The following RPGR variants were observed in gnomAD, a reference collection of about 807,000 sequenced individuals.
RPGR encodes retinitis pigmentosa GTPase regulator, also known as X-linked retinitis pigmentosa GTPase regulator.
A neutral mutation model predicts 56.3 loss-of-function variants in RPGR; 10 were observed. That is an observed-to-expected ratio of 0.18 (90% CI 0.11 to 0.30). The LOEUF is 0.30. Among genes scored for constraint, RPGR ranks in the 10% least tolerant of loss-of-function variants. The probability of loss-of-function intolerance (pLI) is 1.00; values close to 1 mark genes in which losing one functional copy is unlikely to be tolerated. For synonymous variants in RPGR, 197 were observed against 212.9 expected, an observed-to-expected ratio of 0.93 and a Z score of 0.65; for missense variants, 538 against 590.9, an observed-to-expected ratio of 0.91 and a Z score of 0.93.
chrX:38,327,359 C>A lies in RPGR; in HGVS notation c.9G>T (p.Glu3Asp). ...ACTCACCGGGCATCAGCTCTTCCGG[C>A]TCCCTCATGCCACGGGCAGTACGGG... The change falls in exon 1 of 19, where the codon GAG becomes GAT. Residue 3 changes from glutamate to aspartate, a missense_variant. Glu to Asp is a conservative substitution (Grantham distance 45, BLOSUM62 2). Around this residue, in one of 2 missense-constraint regions of RPGR, gnomAD observed 181 missense variants for 265.1 expected, o/e 0.68. Coordinates refer to ENST00000642395, the MANE Select transcript of RPGR (RefSeq NM_000328.3). 8.4e-7 allele frequency: 1 copy of A among 1,189,273 alleles called. No individual in the cohort carries two copies. Among genetic ancestry groups the A allele is most frequent in the Non-Finnish European group, 1.1e-6 (1 of 885,227 alleles).
intron 6 of RPGR, among the ~76,000 whole-genome samples, chrX:38,314,377 A>T (rs2067779509): frequency 8.9e-6 from 1 of 111,733 alleles, no homozygotes; most frequent in African/African-American, 3.3e-5. Flanking sequence ...AATTTTTATA[A>T]AATCTGGATT....
At chrX:38,269,879 C>G in intron 18 of RPGR, 3 of 919,597 alleles carry the variant, frequency 3.3e-6, no homozygotes, top group Non-Finnish European at 4.7e-6. Context: ...ATAAGTGAAA[C>G]ATTCACTTAA....
chrX:38,279,001 A>G (rs961925371), intron 15 of RPGR, among the ~76,000 whole-genome samples: 22 of 112,792 alleles, frequency 2.0e-4, no homozygotes, highest in African/African-American at 6.8e-4. Context: ...TAAACAATCT[A>G]TAACAATGAA....
At chrX:38,291,129 T>TTATA (rs1168785516) in intron 12 of RPGR, 105 bp from the exon 13 acceptor site, 3 of 156,048 alleles carry the variant, frequency 1.9e-5, no homozygotes, top group African/African-American at 7.0e-5. Context: ...ATATATTTTT[T>TTATA]TATATATATA....
intron 16 of RPGR, chrX:38,275,176 A>C (rs746888349): frequency 1.7e-6 from 2 of 1,161,026 alleles, no homozygotes; most frequent in East Asian, 3.0e-5. Context: ...AATATAACAA[A>C]AAATATTTTT....
At chrX:38,311,053 T>G (rs2067707000) in intron 6 of RPGR, among the ~76,000 whole-genome samples, 1 of 112,678 alleles carries the variant, frequency 8.9e-6, no homozygotes, top group African/African-American at 3.2e-5. Flanking sequence ...TGTCTTTTAC[T>G]TACTTAAAGC....
In RPGR at chrX:38,288,034, T is replaced by C; in HGVS notation, c.1580A>G (p.Gln527Arg). 2 of 1,161,514 alleles carry C rather than the reference T, an allele frequency of 1.7e-6. No individual in the cohort carries two copies. The highest frequency in any genetic ancestry group is 2.3e-6 in the Non-Finnish European group (2 of 852,656). ...ATCCTGCGTCAGTTCCCCAATTGTT[T>C]GTTGTTTCTGTAAATTTTTTGAAGT... The change falls in exon 14 of 19, where the codon CAA becomes CGA. Residue 527 changes from glutamine (Q) to arginine (R), a missense_variant. By Grantham distance (43) the Gln-to-Arg change is conservative. Transcript: ENST00000642395.
rs112264839 is a variant in RPGR at position 38,322,816 on chromosome X, T to G, written c.247+37A>C. On this transcript the variant is annotated intron_variant, in intron 3 of 18. Transcript: ENST00000642395. ...AACTACACAGTCAACATAAAAATAC[T>G]TTATACAGTTTGTGAAAAGATAAAA... 15,275 of 1,055,775 alleles carry G rather than the reference T, an allele frequency of 0.014. 235 individuals carry two copies. Among genetic ancestry groups the G allele is most frequent in the African/African-American group, 0.097 (5,269 of 54,105 alleles). The allele number at this position is 1,055,775 out of a possible 1,213,427, so 87.0% of individuals were successfully genotyped here.
chrX:38,276,577 A>G (rs954862987), intron 16 of RPGR: 1 of 1,206,665 alleles, frequency 8.3e-7, no homozygotes, highest in African/African-American at 1.7e-5. Context: ...TTAAGCATCT[A>G]TCATCATACC....
chrX:38,291,501 GA>G lies in RPGR; in HGVS notation c.1415-18del, dbSNP rs994933258. The G allele has an allele frequency of 4.3e-6, 4 of 935,416 alleles. No homozygotes were observed. The highest frequency in any genetic ancestry group is 3.8e-5 in the African/African-American group (2 of 51,954). 77.1% of individuals were successfully genotyped at this position (935,416 alleles called of 1,213,427 possible). ...GCAAATAATCTGAATGATTAAATGG[GA>G]AAAAGGAAATCCAGATTTCAACAGA... is the stretch of plus-strand genomic sequence containing the variant. On this transcript the variant is annotated intron_variant, in intron 11 of 18. Coordinates refer to ENST00000642395, the MANE Select transcript of RPGR (RefSeq NM_000328.3).
chrX:38,286,912 A>G, intron 15 of RPGR: 1 of 1,199,342 alleles, frequency 8.3e-7, no homozygotes, highest in Non-Finnish European at 1.1e-6. Flanking sequence ...CTTCTCTGCT[A>G]GTTCCTTCTC....
chrX:38,284,580 G>A, intron 15 of RPGR: 1 of 748,874 alleles, frequency 1.3e-6, no homozygotes, highest in Non-Finnish European at 1.6e-6. Context: ...AAAAATTACA[G>A]AAGACAAGAG....
At chrX:38,293,824 C>T (rs755824466) in intron 11 of RPGR, among the ~76,000 whole-genome samples, 3 of 111,606 alleles carry the variant, frequency 2.7e-5, no homozygotes, top group Non-Finnish European at 5.7e-5. Flanking sequence ...CCGGCCCCTC[C>T]TGTTTTGCAA....
chrX:38,307,267 G>C (rs868726488), intron 7 of RPGR, among the ~76,000 whole-genome samples: 54 of 111,819 alleles, frequency 4.8e-4, no homozygotes, highest in South Asian at 3.7e-4. Context: ...CCAAGTTCCA[G>C]CCTCAGACTT....
At chrX:38,270,696 A>G (rs1242523396) in intron 18 of RPGR, among the ~76,000 whole-genome samples, 1 of 109,345 alleles carries the variant, frequency 9.1e-6, no homozygotes, top group African/African-American at 3.3e-5. Flanking sequence ...CTGAGTAGGC[A>G]GTCAAATATA....
intron 7 of RPGR, among the ~76,000 whole-genome samples, chrX:38,305,551 G>C (rs1313632346): frequency 9.1e-6 from 1 of 110,222 alleles, no homozygotes; most frequent in African/African-American, 3.3e-5. Context: ...TTGGAGAAGA[G>C]TCTGGCCAAC....
In RPGR at chrX:38,317,365, T is replaced by C; in HGVS notation, c.570A>G (p.Lys190=). 8.3e-7 allele frequency: 1 copy of C among 1,207,464 alleles called. No homozygotes were observed. The highest frequency in any genetic ancestry group is 1.8e-5 in the South Asian group (1 of 56,706). ...ATCCACAAGAGATCCAGGAGACAGG[T>C]TTCCCAATGGTCACTTGCTGAGGGA... is the stretch of plus-strand genomic sequence containing the variant. The change falls in exon 6 of 19, where the codon AAA becomes AAG. Residue 190 remains lysine (K), a synonymous_variant. Transcript: ENST00000642395.
intron 6 of RPGR, 176 bp downstream of exon 6, chrX:38,317,140 T>C: frequency 2.2e-6 from 1 of 454,929 alleles, no homozygotes; most frequent in Non-Finnish European, 3.8e-6. Flanking sequence ...TTTGAAATTA[T>C]GAACTCTTAT....
intron 6 of RPGR, among the ~76,000 whole-genome samples, chrX:38,315,852 G>A (rs2067817461): frequency 9.5e-6 from 1 of 105,534 alleles, no homozygotes; most frequent in Admixed American, 1.0e-4. Flanking sequence ...GAGAGAGAGA[G>A]AGAGAGAGTA....
Sources: gnomAD v4.1 joint callset for allele counts (sites outside exome capture counted in the v4.1 genomes callset) on GRCh38, gnomAD v4.1.1 for gene constraint, gnomAD v4.1.1 regional missense constraint, MANE v1.5 for transcripts, NCBI Gene and HGNC (gene_info 2026-07-23, HGNC 2026-07-21) for gene names.